SLC27A6: variants seen among roughly 807,000 people sequenced by gnomAD.
The protein encoded by SLC27A6 is solute carrier family 27 member 6, also known as long-chain fatty acid transport protein 6.
In SLC27A6, 74 loss-of-function variants were observed where a neutral mutation model predicts 63.9. That is an observed-to-expected ratio of 1.16 (90% CI 0.96 to 1.40). The LOEUF (loss-of-function observed/expected upper bound fraction) is 1.40. Ranked by LOEUF, SLC27A6 falls within the 40% of genes most tolerant of loss-of-function variation. The pLI is 0.00. For missense variants in SLC27A6, 794 were observed against 732.9 expected, an observed-to-expected ratio of 1.08 and a Z score of -0.96; for synonymous variants, 287 against 260.8, an observed-to-expected ratio of 1.10 and a Z score of -0.97.
intron 4 of SLC27A6, among the ~76,000 whole-genome samples, chr5:128,997,285 T>C (rs1051970633): frequency 6.6e-6 from 1 of 152,186 alleles, no homozygotes; most frequent in East Asian, 1.9e-4. Flanking sequence ...TTTATATATT[T>C]TTTATTATTT....
chr5:129,030,321 T>G (rs1752375160), intron 9 of SLC27A6, among the ~76,000 whole-genome samples: 1 of 152,084 alleles, frequency 6.6e-6, no homozygotes, highest in Non-Finnish European at 1.5e-5. Context: ...ATGTATTTAA[T>G]ATTTTGCCTC....
At chr5:128,977,946 C>T (rs1278590011) in intron 1 of SLC27A6, among the ~76,000 whole-genome samples, 2 of 152,080 alleles carry the variant, frequency 1.3e-5, no homozygotes, top group East Asian at 1.9e-4. Flanking sequence ...GTAATCTTGG[C>T]AGCAGATAAT....
intron 4 of SLC27A6, among the ~76,000 whole-genome samples, chr5:129,013,718 T>G (rs2150148760): frequency 6.6e-6 from 1 of 152,292 alleles, no homozygotes; most frequent in South Asian, 2.1e-4. Flanking sequence ...TTTCTATCAC[T>G]TTTGGAAAAT....
chr5:128,996,373 CA>C (rs1264878889), intron 4 of SLC27A6, among the ~76,000 whole-genome samples: 1 of 152,110 alleles, frequency 6.6e-6, no homozygotes, highest in Admixed American at 6.5e-5. Context: ...AGCCAGAAAA[CA>C]TCCTTATGAT....
At chr5:129,010,535 G>C (rs974506448) in intron 4 of SLC27A6, among the ~76,000 whole-genome samples, 3 of 152,150 alleles carry the variant, frequency 2.0e-5, no homozygotes, top group Non-Finnish European at 4.4e-5. Flanking sequence ...AGGGGAAGTT[G>C]GAGATTTGGA....
At chr5:129,025,238 A>G (rs975066358) in intron 6 of SLC27A6, among the ~76,000 whole-genome samples, 7 of 152,172 alleles carry the variant, frequency 4.6e-5, no homozygotes, top group Admixed American at 3.9e-4. Context: ...TTATGCCCAG[A>G]CAGGAAAGAT....
intron 9 of SLC27A6, among the ~76,000 whole-genome samples, chr5:129,032,183 A>C (rs1752436623): frequency 6.6e-6 from 1 of 152,028 alleles, no homozygotes; most frequent in Non-Finnish European, 1.5e-5. Context: ...CAAATACCTA[A>C]ACATTTGTTT....
intron 6 of SLC27A6, among the ~76,000 whole-genome samples, chr5:129,026,464 C>A (rs148026258): frequency 1.3e-5 from 2 of 152,210 alleles, no homozygotes; most frequent in African/African-American, 4.8e-5. Context: ...TCTTTCCCAT[C>A]AAAAATTTCC....
At chr5:129,024,192 T>C (rs1303255920) in intron 6 of SLC27A6, among the ~76,000 whole-genome samples, 7 of 152,106 alleles carry the variant, frequency 4.6e-5, no homozygotes, top group Non-Finnish European at 7.4e-5. Context: ...CCTAGAGGGA[T>C]CACTCAGATG....
rs147208886 is a variant in SLC27A6, at chr5:129,027,125, T to C, written c.1256-8T>C. 56 of 1,612,336 alleles carry C rather than the reference T, an allele frequency of 3.5e-5. No individual in the cohort carries two copies. In the Admixed American group the frequency reaches 8.5e-4, roughly 25 times the overall value. On this transcript the variant is annotated splice_region_variant and splice_polypyrimidine_tract_variant and intron_variant, in intron 6 of 9. Transcript: ENST00000262462. ...AGATGGCTGCAAAAATGTCGTTCTT[T>C]CTTGCAGGAGAACCTGGACTTCTCA...
chr5:129,029,566 C>CT lies in SLC27A6; in HGVS notation c.1553-4dup. On this transcript the variant is annotated splice_polypyrimidine_tract_variant and intron_variant, in intron 8 of 9. Transcript: ENST00000262462. ...TACTTAAAAATGACTCTATTTCAAA[C>CT]TTTTTTTCAGGTTATGAAGGAAGAG... The CT allele has an allele frequency of 1.3e-6, 2 of 1,549,502 alleles. No homozygotes were observed. Among genetic ancestry groups the CT allele is most frequent in the East Asian group, 2.3e-5 (1 of 44,026 alleles).
intron 1 of SLC27A6, among the ~76,000 whole-genome samples, chr5:128,982,096 G>A (rs544879805): frequency 1.3e-5 from 2 of 152,242 alleles, no homozygotes; most frequent in East Asian, 3.9e-4. Flanking sequence ...TTACAGGCAT[G>A]AGCCACCACG....
At chr5:128,989,630 G>C (rs1750906379) in intron 3 of SLC27A6, among the ~76,000 whole-genome samples, 1 of 152,088 alleles carries the variant, frequency 6.6e-6, no homozygotes, top group Non-Finnish European at 1.5e-5. Context: ...TTGACCTCAA[G>C]ATATGTTGAG....
chr5:128,991,228 C>A (rs1750970676), intron 4 of SLC27A6, among the ~76,000 whole-genome samples: 1 of 152,092 alleles, frequency 6.6e-6, no homozygotes, highest in Non-Finnish European at 1.5e-5. Flanking sequence ...ACCTGATTGG[C>A]CGGGTGTGAG....
intron 1 of SLC27A6, among the ~76,000 whole-genome samples, chr5:128,970,411 TATTA>T (rs931673617): frequency 2.9e-4 from 44 of 152,356 alleles, no homozygotes; most frequent in African/African-American, 1.0e-3. Context: ...GTTGGTAGGC[TATTA>T]ATTATTGCCT....
At position 129,028,339 on chromosome 5, in the gene SLC27A6, A is replaced by G; in HGVS notation, c.1455-6A>G. 1 of 1,593,538 alleles carries G rather than the reference A, an allele frequency of 6.3e-7. No individual in the cohort carries two copies. The highest frequency in any genetic ancestry group is 8.6e-7 in the Non-Finnish European group (1 of 1,163,352). ...CACTAACTGGAATTTGATTTTTTTC[A>G]TTTAGATGGAAAGGAGAAAATGTCG... On this transcript the variant is annotated splice_region_variant and splice_polypyrimidine_tract_variant and intron_variant, in intron 7 of 9. Transcript: ENST00000262462.
chr5:129,024,746 C>A (rs944917902), intron 6 of SLC27A6, among the ~76,000 whole-genome samples: 9 of 152,020 alleles, frequency 5.9e-5, no homozygotes, highest in Non-Finnish European at 2.9e-5. Flanking sequence ...ATAAATCAAG[C>A]CAAAATTAAT....
chr5:129,030,332 A>C (rs67976726), intron 9 of SLC27A6, among the ~76,000 whole-genome samples: 34,059 of 151,992 alleles, frequency 0.22, 3,877 homozygotes, highest in Middle Eastern at 0.28. Context: ...ATTTTGCCTC[A>C]AATATAATTT....
chr5:128,970,859 A>G (rs1750126398), intron 1 of SLC27A6, among the ~76,000 whole-genome samples: 2 of 151,136 alleles, frequency 1.3e-5, no homozygotes, highest in East Asian at 1.9e-4. Context: ...TAGGGTGTCA[A>G]TTTTAGATCT....
Sources: gnomAD v4.1 joint callset for allele counts (sites outside exome capture counted in the v4.1 genomes callset) on GRCh38, gnomAD v4.1.1 for gene constraint, MANE v1.5 for transcripts, NCBI Gene and HGNC (gene_info 2026-07-23, HGNC 2026-07-21) for gene names.